KCTD1: variants seen among roughly 807,000 people sequenced by gnomAD.
KCTD1 encodes BTB/POZ domain-containing protein KCTD1.
KCTD1 carries 24 observed loss-of-function variants against 66.0 expected under a neutral mutation model. The observed-to-expected ratio is 0.36, with a 90% CI of 0.26 to 0.51. The LOEUF is 0.51. KCTD1 is among the 20% of genes least tolerant of loss of function. The pLI, the probability that KCTD1 is intolerant of heterozygous loss-of-function variation, is 0.95. For synonymous variants in KCTD1, 511 were observed against 517.2 expected (o/e 0.99, Z 0.16); for missense variants, 943 against 1,205.2 (o/e 0.78, Z 3.22).
intron 1 of KCTD1, among the ~76,000 whole-genome samples, chr18:26,528,698 G>A (rs947958375): frequency 2.2e-4 from 33 of 152,264 alleles, no homozygotes; most frequent in African/African-American, 7.7e-4. Context: ...TTGCAGAGAT[G>A]ACTAATGGCC....
At chr18:26,651,090 A>T (rs1054549002) in intron 1 of KCTD1, among the ~76,000 whole-genome samples, 3 of 152,126 alleles carry the variant, frequency 2.0e-5, no homozygotes, top group Non-Finnish European at 4.4e-5. Context: ...AATCTCTCAC[A>T]ACAATCTCAC....
At chr18:26,562,481 T>C (rs1028665788) in intron 1 of KCTD1, among the ~76,000 whole-genome samples, 3 of 152,082 alleles carry the variant, frequency 2.0e-5, no homozygotes, top group African/African-American at 7.2e-5. Flanking sequence ...GGGCTGGTCT[T>C]GAACTCCTGG....
Position 26,454,973 on chromosome 18 carries a change from C to T in KCTD1, c.*770G>A, listed in dbSNP as rs1979969895. 1 of 152,610 alleles carries T rather than the reference C, an allele frequency of 6.6e-6. No individual in the cohort carries two copies. The highest frequency in any genetic ancestry group is 1.5e-5 in the Non-Finnish European group (1 of 68,036). The allele number at this position is 152,610 out of a possible 1,614,324, so 9.5% of individuals were successfully genotyped here. A position where few individuals can be genotyped will look rare whatever the true frequency, so the allele number is the denominator to read the frequency against. ...CCCCACATGTGTGTTTCACACAGAC[C>T]TTATTTTTTAAACAGAGTTTATTGT... On this transcript the variant is annotated 3_prime_UTR_variant, in exon 5 of 5. Transcript: ENST00000580059.
chr18:26,603,977 T>C (rs1986957586), intron 1 of KCTD1, among the ~76,000 whole-genome samples: 1 of 152,038 alleles, frequency 6.6e-6, no homozygotes, highest in East Asian at 1.9e-4. Flanking sequence ...ACAGACAACC[T>C]ACAGAATGGG....
chr18:26,508,571 G>A (rs1225954972), intron 1 of KCTD1, among the ~76,000 whole-genome samples: 1 of 152,154 alleles, frequency 6.6e-6, no homozygotes, highest in Admixed American at 6.6e-5. Flanking sequence ...GTTTCTTAGT[G>A]ATACCTCCAG....
intron 1 of KCTD1, among the ~76,000 whole-genome samples, chr18:26,518,028 C>G (rs1983743459): frequency 6.6e-6 from 1 of 152,196 alleles, no homozygotes; most frequent in African/African-American, 2.4e-5. Context: ...ATAAGTCTAC[C>G]TGCAGGCTCT....
intron 1 of KCTD1, chr18:26,629,129 G>GTGGAAGGGTTTTCTTACTTT (rs1987564589): frequency 1.0e-6 from 1 of 967,772 alleles, no homozygotes; most frequent in African/African-American, 1.8e-5. Flanking sequence ...GGGAGGAAGT[G>GTGGAAGGGTTTTCTTACTTT]TGGAAGGGTT....
At chr18:26,549,715 G>T, upstream of KCTD1, 1 of 985,394 alleles carries the variant, frequency 1.0e-6, no homozygotes, top group Non-Finnish European at 1.2e-6. Flanking sequence ...TTCGGATCCG[G>T]AGCGCACTCT....
intron 1 of KCTD1, chr18:26,655,975 C>T (rs969630331): frequency 1.3e-5 from 2 of 152,344 alleles, no homozygotes; most frequent in African/African-American, 4.8e-5. Context: ...CCAGCCAGGT[C>T]CCTCTTGGGG....
At chr18:26,470,679 G>A (rs530682792) in intron 3 of KCTD1, among the ~76,000 whole-genome samples, 11 of 152,346 alleles carry the variant, frequency 7.2e-5, no homozygotes, top group Admixed American at 2.6e-4. Context: ...AGCTGGAAGC[G>A]TCCCTACCTC....
chr18:26,504,021 C>T (rs1415587865), intron 1 of KCTD1, among the ~76,000 whole-genome samples: 3 of 152,296 alleles, frequency 2.0e-5, no homozygotes, highest in East Asian at 3.9e-4. Context: ...TACTAGTTAA[C>T]ACAGTCAGAG....
At chr18:26,599,318 G>A in intron 1 of KCTD1, 2 of 1,162,668 alleles carry the variant, frequency 1.7e-6, no homozygotes, top group Non-Finnish European at 2.5e-6. Flanking sequence ...TCAATTGACT[G>A]GGGGAGAAGC....
rs772833357 is a variant in KCTD1 at position 26,459,733 on chromosome 18, A to C, written c.2326T>G (p.Phe776Val). Residue 776 changes from phenylalanine to valine, a missense_variant, in exon 4 of 5, where the codon TTT (phenylalanine) becomes GTT (valine). Physicochemically the swap from Phe to Val is conservative, Grantham distance 50. Coordinates refer to ENST00000580059, the MANE Select transcript of KCTD1 (RefSeq NM_001142730.3). ...SGDKSLIEEV[F>V]PEIGDVMCNS... ...CACATCACGTCGCCGATCTCTGGAA[A>C]TACTTCTTCTATCAAGGATTTGTCA... The C allele has an allele frequency of 1.4e-5, 22 of 1,614,004 alleles. No homozygotes were observed. Among genetic ancestry groups the C allele is most frequent in the Non-Finnish European group, 1.7e-6 (2 of 1,180,016 alleles).
In KCTD1 at chr18:26,524,754, G is replaced by C. The variant is rs1984076823; in HGVS notation, c.1809+21974C>G. ...TCTCTAAAGAGGAAAATGGGGGATT[G>C]GCAGTCAGAAATAGGAGGCAGAGTC... On this transcript the variant is annotated intron_variant, in intron 1 of 4. Transcript: ENST00000580059. Among the ~76,000 whole-genome samples the C allele has an allele frequency of 2.6e-5, 4 of 152,220 alleles. No homozygotes were observed. In the South Asian group the frequency reaches 8.3e-4, roughly 32 times the overall value.
chr18:26,527,496 G>C (rs1052731053), intron 1 of KCTD1, among the ~76,000 whole-genome samples: 3 of 149,196 alleles, frequency 2.0e-5, no homozygotes, highest in Non-Finnish European at 3.0e-5. Context: ...AAAAAAAGGG[G>C]GGGGGGCGTG....
intron 1 of KCTD1, among the ~76,000 whole-genome samples, chr18:26,527,243 G>C (rs953947799): frequency 5.3e-5 from 8 of 152,098 alleles, no homozygotes; most frequent in African/African-American, 1.7e-4. Context: ...TGCTGAAATG[G>C]GAACTACAGA....
intron 1 of KCTD1, among the ~76,000 whole-genome samples, chr18:26,576,152 A>AT (rs1465771800): frequency 2.6e-5 from 4 of 152,198 alleles, no homozygotes; most frequent in African/African-American, 9.6e-5. Flanking sequence ...GTTCTTATGC[A>AT]TACATCTGTC....
chr18:26,525,352 A>G (rs1984106052), intron 1 of KCTD1, among the ~76,000 whole-genome samples: 1 of 152,208 alleles, frequency 6.6e-6, no homozygotes, highest in Admixed American at 6.5e-5. Context: ...CTGCTGGCGG[A>G]ACAAATCTGC....
chr18:26,652,479 C>T (rs1396651035), intron 1 of KCTD1, among the ~76,000 whole-genome samples: 3 of 152,286 alleles, frequency 2.0e-5, no homozygotes, highest in African/African-American at 4.8e-5. Context: ...AGCATCCAAC[C>T]ATTCATTTCA....
Sources: allele counts gnomAD v4.1 joint callset (sites outside exome capture counted in the v4.1 genomes callset), GRCh38; gene constraint gnomAD v4.1.1; transcripts MANE v1.5; gene names NCBI Gene and HGNC (gene_info 2026-07-23, HGNC 2026-07-21).